RGS7: variants seen among roughly 807,000 people sequenced by gnomAD.
RGS7 encodes the protein regulator of G-protein signaling 7.
Under a neutral mutation model 81.1 loss-of-function variants are expected in RGS7, and 27 were observed. The observed-to-expected ratio is 0.33, with a 90% CI of 0.25 to 0.46. The LOEUF (loss-of-function observed/expected upper bound fraction) is 0.46, where lower values mean the gene tolerates loss of function less well. Ranked by LOEUF, RGS7 falls within the 20% of genes least tolerant of loss-of-function variation. RGS7 has a pLI of 1.00. For synonymous variants in RGS7, 208 were observed against 207.7 expected, an observed-to-expected ratio of 1.00 and a Z score of -0.01; for missense variants, 396 against 607.4, an observed-to-expected ratio of 0.65 and a Z score of 3.66.
chr1:241,245,741 A>G (rs1292338864), intron 2 of RGS7, among the ~76,000 whole-genome samples: 2 of 151,966 alleles, frequency 1.3e-5, no homozygotes, highest in Admixed American at 6.6e-5. Flanking sequence ...TGGGAGGCAG[A>G]GGTTGCGGTA....
chr1:240,783,456 T>C (rs1418892506), intron 18 of RGS7, among the ~76,000 whole-genome samples: 1 of 148,928 alleles, frequency 6.7e-6, no homozygotes, highest in African/African-American at 2.5e-5. Context: ...ACCCCATCTC[T>C]ACTTTAAAAA....
chr1:241,179,151 G>A (rs2071397096), intron 2 of RGS7, among the ~76,000 whole-genome samples: 1 of 152,196 alleles, frequency 6.6e-6, no homozygotes, highest in African/African-American at 2.4e-5. Flanking sequence ...TTGGAGTGCA[G>A]TGGCACAATA....
chr1:240,834,461 T>C (rs1055434737), intron 9 of RGS7, among the ~76,000 whole-genome samples: 1 of 152,156 alleles, frequency 6.6e-6, no homozygotes, highest in South Asian at 2.1e-4. Context: ...CAGACCATGA[T>C]AAGGTGGTAA....
intron 2 of RGS7, among the ~76,000 whole-genome samples, chr1:241,308,922 C>T (rs2080335085): frequency 6.6e-6 from 1 of 152,018 alleles, no homozygotes; most frequent in Non-Finnish European, 1.5e-5. Flanking sequence ...GTCTTTTTGC[C>T]CTCTGTCATC....
At chr1:240,952,461 T>G (rs1252520974) in intron 4 of RGS7, among the ~76,000 whole-genome samples, 20 of 151,968 alleles carry the variant, frequency 1.3e-4, no homozygotes, top group Admixed American at 1.2e-3. Context: ...ATGTATATCG[T>G]AAACTCTAGA....
intron 2 of RGS7, among the ~76,000 whole-genome samples, chr1:241,119,039 G>A (rs1038969516): frequency 1.3e-5 from 2 of 150,724 alleles, no homozygotes; most frequent in Non-Finnish European, 3.0e-5. Flanking sequence ...CACCCAAAAT[G>A]TAAAATAAAA....
intron 4 of RGS7, among the ~76,000 whole-genome samples, chr1:240,977,865 A>T (rs1434092770): frequency 2.6e-5 from 4 of 152,206 alleles, no homozygotes; most frequent in African/African-American, 9.6e-5. Flanking sequence ...CCCGCAGTGG[A>T]GGGCAAACAC....
chr1:240,907,809 A>G (rs919736877), intron 6 of RGS7, among the ~76,000 whole-genome samples: 4 of 152,316 alleles, frequency 2.6e-5, no homozygotes, highest in African/African-American at 9.6e-5. Flanking sequence ...TCCTGTAGAC[A>G]CATTTACCAA....
intron 3 of RGS7, among the ~76,000 whole-genome samples, chr1:241,060,112 A>G (rs936635689): frequency 2.6e-5 from 4 of 152,122 alleles, no homozygotes; most frequent in South Asian, 2.1e-4. Flanking sequence ...TATTCTTTAT[A>G]CATCAGCCAG....
chr1:240,780,637 C>T (rs187423219), intron 18 of RGS7, among the ~76,000 whole-genome samples: 8 of 151,798 alleles, frequency 5.3e-5, no homozygotes, highest in East Asian at 1.9e-4. Flanking sequence ...AAGAATGGGC[C>T]GGGCGCGGTG....
chr1:241,089,063 C>CTCTCTCTCTCTCTCTCTCTATATATATA (rs1374552672), intron 3 of RGS7, among the ~76,000 whole-genome samples: 1 of 23,682 alleles, frequency 4.2e-5, no homozygotes, highest in Non-Finnish European at 7.4e-5. Context: ...CTCTCTCTCT[C>CTCTCTCTCTCTCTCTCTCTATATATATA]TATATATATA....
chr1:241,309,946 T>C (rs1244190400), intron 2 of RGS7, among the ~76,000 whole-genome samples: 1 of 152,230 alleles, frequency 6.6e-6, no homozygotes, highest in East Asian at 1.9e-4. Flanking sequence ...AAAGAATCAA[T>C]GTGTCAAACT....
intron 3 of RGS7, among the ~76,000 whole-genome samples, chr1:240,988,732 C>G (rs1276770273): frequency 2.0e-5 from 3 of 152,118 alleles, no homozygotes; most frequent in Non-Finnish European, 4.4e-5. Flanking sequence ...GTTCTCTAAC[C>G]CCTTGATCTA....
chr1:241,306,609 C>CAT (rs1247666646), intron 2 of RGS7, among the ~76,000 whole-genome samples: 1 of 151,282 alleles, frequency 6.6e-6, no homozygotes, highest in African/African-American at 2.4e-5. Flanking sequence ...CCTTCACAGG[C>CAT]ATATATACGC....
chr1:241,068,888 C>A (rs2062256601), intron 3 of RGS7, among the ~76,000 whole-genome samples: 3 of 152,020 alleles, frequency 2.0e-5, no homozygotes, highest in African/African-American at 7.2e-5. Context: ...TAGTATCATC[C>A]CCTTGGTACT....
chr1:241,136,029 CTG>C (rs536068886), intron 2 of RGS7, among the ~76,000 whole-genome samples: 186 of 151,050 alleles, frequency 1.2e-3, no homozygotes, highest in Non-Finnish European at 2.1e-3. Context: ...AATTTGTTGA[CTG>C]TGGACAATAA....
At chr1:241,106,802 AAAGCTTAG>A (rs2065149588) in intron 2 of RGS7, among the ~76,000 whole-genome samples, 1 of 147,744 alleles carries the variant, frequency 6.8e-6, no homozygotes, top group Admixed American at 6.7e-5. Context: ...AACTCATTTG[AAAGCTTAG>A]AAGCTTAGAA....
chr1:241,037,319 C>T lies in RGS7; in HGVS notation c.176-54190G>A, dbSNP rs189383883. On this transcript the variant is annotated intron_variant, in intron 3 of 18. Coordinates refer to ENST00000440928, the MANE Select transcript of RGS7 (RefSeq NM_001364886.1). ...AACTAAATCTTCAATTAGCCTCTAA[C>T]TCTGGGAGAAGTAGGTAGGGAAAGT... 1.3e-3 allele frequency among the ~76,000 whole-genome samples: 199 copies of T among 152,244 alleles called. 1 individual carries two copies. The highest frequency in any genetic ancestry group is 4.6e-3 in the African/African-American group (190 of 41,550).
chr1:240,940,170 G>A (rs1159742482), intron 4 of RGS7, among the ~76,000 whole-genome samples: 1 of 152,088 alleles, frequency 6.6e-6, no homozygotes, highest in Admixed American at 6.5e-5. Flanking sequence ...ATTCCCTAGT[G>A]ATTCTGCTAG....
Sources: allele counts gnomAD v4.1 joint callset (sites outside exome capture counted in the v4.1 genomes callset), GRCh38; gene constraint gnomAD v4.1.1; transcripts MANE v1.5; gene names NCBI Gene and HGNC (gene_info 2026-07-23, HGNC 2026-07-21).